The following PDE2A variants were observed in gnomAD, a reference collection of about 807,000 sequenced individuals.
The protein encoded by PDE2A is cGMP-dependent 3',5'-cyclic phosphodiesterase.
In PDE2A, 53 loss-of-function variants were observed where a neutral mutation model predicts 133.6. The ratio of observed to expected loss-of-function variants is 0.40; its 90% CI spans 0.32 to 0.50. The LOEUF (loss-of-function observed/expected upper bound fraction) is 0.50. Among genes scored for constraint, PDE2A ranks in the 20% least tolerant of loss-of-function variants. The pLI, the probability that PDE2A is intolerant of heterozygous loss-of-function variation, is 0.73. For missense variants in PDE2A, 796 were observed against 1,232.4 expected (o/e 0.65, Z 5.30); for synonymous variants, 491 against 490.2 (o/e 1.00, Z -0.02).
chr11:72,603,578 A>AT (rs1158734355), intron 4 of PDE2A, among the ~76,000 whole-genome samples: 1 of 152,186 alleles, frequency 6.6e-6, no homozygotes, highest in Non-Finnish European at 1.5e-5. Context: ...AGTGGAGCTT[A>AT]TATGAAGCAA....
chr11:72,589,029 G>T, intron 12 of PDE2A, 115 bp from the exon 13 acceptor site: 1 of 1,287,226 alleles, frequency 7.8e-7, no homozygotes. Flanking sequence ...AAGGCTGGAA[G>T]CTCTGTGTCA....
At chr11:72,603,113 G>T (rs996449916) in intron 4 of PDE2A, among the ~76,000 whole-genome samples, 6 of 152,166 alleles carry the variant, frequency 3.9e-5, no homozygotes, top group African/African-American at 1.4e-4. Flanking sequence ...ATGATGACGG[G>T]TGTGTCCTGA....
chr11:72,657,717 T>A (rs567878762), intron 1 of PDE2A: 1 of 446,546 alleles, frequency 2.2e-6, no homozygotes, highest in African/African-American at 2.0e-5. Context: ...GACATAGGCG[T>A]CTTAGGATCT....
chr11:72,651,428 T>C (rs1189179325), intron 1 of PDE2A, among the ~76,000 whole-genome samples: 1 of 151,842 alleles, frequency 6.6e-6, no homozygotes, highest in Non-Finnish European at 1.5e-5. Context: ...GAACACCCAC[T>C]CCCAAGGGGT....
At chr11:72,668,306 A>C in intron 1 of PDE2A, 1 of 718,688 alleles carries the variant, frequency 1.4e-6, no homozygotes, top group South Asian at 1.5e-5. Flanking sequence ...ACCTGTGGGC[A>C]AGCGATTTCC....
rs578032249 is a variant in PDE2A, at chr11:72,577,567, C to T, written c.2643G>A (p.Ala881=). ...AGGCCACGCGCTCGTACAGCTCTGC[C>T]GCTTTGGGGAACAGGTCCTGCAACA... ...YKLLQDLFPK[A]AELYERVASN... Residue 881 remains alanine, a synonymous_variant, in exon 31 of 31, where the codon GCG becomes GCA. Transcript: ENST00000334456. 8.9e-5 allele frequency: 142 copies of T among 1,604,286 alleles called. No homozygotes were observed. Among genetic ancestry groups the T allele is most frequent in the Middle Eastern group, 1.7e-4 (1 of 5,900 alleles).
intron 4 of PDE2A, 34 bp downstream of exon 4, chr11:72,605,104 C>G (rs78279319): frequency 0.12 from 168,828 of 1,404,938 alleles, 11,697 homozygotes; most frequent in Non-Finnish European, 0.14. Flanking sequence ...CTTGGCCATG[C>G]AAGAGGGCAA....
Position 72,577,346 on chromosome 11 carries a change from G to T in PDE2A, c.*38C>A. 1 of 1,511,698 alleles carries T rather than the reference G, an allele frequency of 6.6e-7. No individual in the cohort carries two copies. The allele number at this position is 1,511,698 out of a possible 1,614,324, so 93.6% of individuals were successfully genotyped here. The stretch of plus-strand genomic sequence containing the variant: ...TCTGGCCAGACCAGTGGAGGGCTGT[G>T]GGAGGTGGCCTGGGCAGGGAAGTGT... On this transcript the variant is annotated 3_prime_UTR_variant, in exon 31 of 31. Coordinates refer to ENST00000334456, the MANE Select transcript of PDE2A (RefSeq NM_002599.5).
intron 6 of PDE2A, among the ~76,000 whole-genome samples, chr11:72,595,203 G>A (rs897732399): frequency 6.6e-6 from 1 of 152,138 alleles, no homozygotes; most frequent in African/African-American, 2.4e-5. Context: ...ATCTAAGGAA[G>A]TCCTTCTCAG....
At chr11:72,629,704 C>T (rs1858275235) in intron 2 of PDE2A, among the ~76,000 whole-genome samples, 1 of 152,178 alleles carries the variant, frequency 6.6e-6, no homozygotes, top group Non-Finnish European at 1.5e-5. Flanking sequence ...ACCTTCTTTC[C>T]CATCTTACTC....
chr11:72,646,384 C>T (rs536981088), intron 1 of PDE2A, among the ~76,000 whole-genome samples: 1 of 152,324 alleles, frequency 6.6e-6, no homozygotes, highest in African/African-American at 2.4e-5. Context: ...TCAGGAGGCA[C>T]GGCATTAGCC....
chr11:72,607,756 A>G (rs888672439), intron 3 of PDE2A, among the ~76,000 whole-genome samples: 2 of 152,146 alleles, frequency 1.3e-5, no homozygotes, highest in Non-Finnish European at 2.9e-5. Context: ...TGAGTTGGCC[A>G]TATTTCCTGG....
chr11:72,577,615 G>C (rs1323380858), intron 30 of PDE2A, 21 bp from the exon 31 acceptor site: 1 of 1,561,442 alleles, frequency 6.4e-7, no homozygotes, highest in East Asian at 2.2e-5. Context: ...ATGGGGGGCA[G>C]AGGGCGAGAG....
intron 14 of PDE2A, 61 bp from the exon 15 acceptor site, chr11:72,585,654 C>T: frequency 6.6e-7 from 1 of 1,505,998 alleles, no homozygotes; most frequent in Non-Finnish European, 9.1e-7. Context: ...CCTATCCAAC[C>T]TCCTGCCTCC....
At chr11:72,596,757 A>G in intron 5 of PDE2A, 109 bp from the exon 6 acceptor site, 1 of 517,788 alleles carries the variant, frequency 1.9e-6, no homozygotes, top group Non-Finnish European at 3.2e-6. Flanking sequence ...AGAGGCCAGG[A>G]CAGAGACACA....
At position 72,589,208 on chromosome 11, in the gene PDE2A, G is replaced by A. The variant is rs1856119870; in HGVS notation, c.906C>T (p.Asp302=). 6.2e-7 allele frequency: 1 copy of A among 1,613,706 alleles called. No individual in the cohort carries two copies. The highest frequency in any genetic ancestry group is 1.7e-5 in the Admixed American group (1 of 59,962). The part of the protein sequence containing the change: ...LTGCLGQVVE[D]KKSIQLKDLT... Reference sequence around the variant, plus strand: ...GGTCCTTCAGCTGGATGGACTTCTTGTCTTCCACCACCTGGCCCAGGCATC... The same window carrying A: ...GGTCCTTCAGCTGGATGGACTTCTTATCTTCCACCACCTGGCCCAGGCATC... Residue 302 remains aspartate, a synonymous_variant, in exon 12 of 31, where the codon GAC becomes GAT. Coordinates refer to ENST00000334456, the MANE Select transcript of PDE2A (RefSeq NM_002599.5).
At chr11:72,642,228 G>A in intron 2 of PDE2A, 26 bp downstream of exon 2, 1 of 1,477,500 alleles carries the variant, frequency 6.8e-7, no homozygotes, top group Non-Finnish European at 9.0e-7. Flanking sequence ...CCGTTCTCCT[G>A]GTGCCCAGCG....
rs1855815091 is a variant in PDE2A at position 72,583,510 on chromosome 11, G to C, written c.1656C>G (p.Leu552=). The C allele has an allele frequency of 3.1e-6, 5 of 1,606,330 alleles. No homozygotes were observed. Among genetic ancestry groups the C allele is most frequent in the South Asian group, 2.2e-5 (2 of 90,950 alleles). ...GAGCCTCATTCACTTTTTTGTATAG[G>C]AGAGACTAGGGGAAAGAGGGAAAGA... ...IYCGISIAHS[L]LYKKVNEAQY... is the part of the protein sequence containing the mutation. The change falls in exon 20 of 31, where the codon CTC becomes CTG. Residue 552 remains leucine (L), a synonymous_variant. Coordinates refer to ENST00000334456, the MANE Select transcript of PDE2A (RefSeq NM_002599.5).
chr11:72,655,163 C>T (rs1051464257), intron 1 of PDE2A, among the ~76,000 whole-genome samples: 3 of 152,222 alleles, frequency 2.0e-5, no homozygotes, highest in Admixed American at 6.5e-5. Flanking sequence ...ACCCTGTACG[C>T]ACTCAGAGAC....
Sources: gnomAD v4.1 joint callset for allele counts (sites outside exome capture counted in the v4.1 genomes callset) on GRCh38, gnomAD v4.1.1 for gene constraint, MANE v1.5 for transcripts, NCBI Gene and HGNC (gene_info 2026-07-23, HGNC 2026-07-21) for gene names.